Variants in SCFD2 observed in about 807,000 individuals in gnomAD.
SCFD2 encodes sec1 family domain-containing protein 2.
Under a neutral mutation model 58.9 loss-of-function variants are expected in SCFD2, and 54 were observed. That is an observed-to-expected ratio of 0.92 (90% CI 0.74 to 1.15). SCFD2 has a LOEUF of 1.15. Ranked by LOEUF, SCFD2 falls within the 50% of genes most tolerant of loss-of-function variation. The pLI, the probability that SCFD2 is intolerant of heterozygous loss-of-function variation, is 0.00. For missense variants in SCFD2, 805 were observed against 836.6 expected (o/e 0.96, Z 0.47); for synonymous variants, 321 against 335.9 (o/e 0.96, Z 0.49).
intron 4 of SCFD2, among the ~76,000 whole-genome samples, chr4:53,152,895 C>A (rs1726554161): frequency 6.6e-6 from 1 of 152,168 alleles, no homozygotes; most frequent in Admixed American, 6.5e-5. Context: ...GACATTAAAC[C>A]TTAATGCTCC....
At chr4:53,100,096 T>C (rs1724790483) in intron 5 of SCFD2, among the ~76,000 whole-genome samples, 2 of 152,124 alleles carry the variant, frequency 1.3e-5, no homozygotes, top group Non-Finnish European at 2.9e-5. Context: ...ATAATAATAA[T>C]AGCAATCTGT....
At chr4:53,155,044 A>C (rs1218313598) in intron 4 of SCFD2, among the ~76,000 whole-genome samples, 1 of 152,192 alleles carries the variant, frequency 6.6e-6, no homozygotes, top group Non-Finnish European at 1.5e-5. Flanking sequence ...ACAGTAAGAG[A>C]ACAAATCCGT....
chr4:53,143,239 T>G (rs985110026), intron 5 of SCFD2, among the ~76,000 whole-genome samples: 7 of 152,192 alleles, frequency 4.6e-5, no homozygotes, highest in African/African-American at 1.7e-4. Context: ...TATAAATGTT[T>G]AAAAAAGCTA....
intron 4 of SCFD2, among the ~76,000 whole-genome samples, chr4:53,194,514 G>A (rs1451287270): frequency 6.6e-6 from 1 of 151,884 alleles, no homozygotes; most frequent in Non-Finnish European, 1.5e-5. Flanking sequence ...TTCATATTAC[G>A]GATGAACATA....
chr4:53,031,858 A>G (rs1174892485), intron 5 of SCFD2, among the ~76,000 whole-genome samples: 1 of 152,166 alleles, frequency 6.6e-6, no homozygotes, highest in Non-Finnish European at 1.5e-5. Context: ...GGTGGAAAAC[A>G]TACTCTTCAG....
intron 5 of SCFD2, among the ~76,000 whole-genome samples, chr4:53,133,725 C>T (rs1185717384): frequency 6.6e-6 from 1 of 152,174 alleles, no homozygotes; most frequent in African/African-American, 2.4e-5. Context: ...ACATGAGCTG[C>T]CTTCCACAAC....
intron 5 of SCFD2, among the ~76,000 whole-genome samples, chr4:53,109,253 C>T (rs924267577): frequency 1.3e-5 from 2 of 152,150 alleles, no homozygotes; most frequent in Non-Finnish European, 2.9e-5. Flanking sequence ...AACCCACAGC[C>T]AATATCATAC....
intron 5 of SCFD2, among the ~76,000 whole-genome samples, chr4:53,140,565 G>A (rs1726104450): frequency 6.6e-6 from 1 of 151,802 alleles, no homozygotes; most frequent in Non-Finnish European, 1.5e-5. Context: ...AAACTAAAGA[G>A]GATGCATTCA....
At chr4:53,004,605 G>C (rs1033635101) in intron 5 of SCFD2, among the ~76,000 whole-genome samples, 16 of 152,216 alleles carry the variant, frequency 1.1e-4, no homozygotes, top group African/African-American at 3.9e-4. Context: ...TAAGTAGTAA[G>C]TGGTAGAGTT....
At chr4:53,044,405 T>C (rs1237177734) in intron 5 of SCFD2, among the ~76,000 whole-genome samples, 1 of 152,170 alleles carries the variant, frequency 6.6e-6, no homozygotes, top group Non-Finnish European at 1.5e-5. Flanking sequence ...ATAAAGCTCT[T>C]GCACTTCGAA....
intron 4 of SCFD2, among the ~76,000 whole-genome samples, chr4:53,198,950 A>G (rs1295391066): frequency 6.6e-6 from 1 of 152,128 alleles, no homozygotes; most frequent in East Asian, 1.9e-4. Context: ...CAGTTACAAC[A>G]AAGTAATTCA....
intron 2 of SCFD2, among the ~76,000 whole-genome samples, chr4:53,319,974 G>A (rs1732978534): frequency 6.6e-6 from 1 of 152,178 alleles, no homozygotes; most frequent in South Asian, 2.1e-4. Context: ...TCTGTAACTT[G>A]GTTAGTCTTT....
intron 2 of SCFD2, among the ~76,000 whole-genome samples, chr4:53,316,025 T>G (rs1484851934): frequency 6.6e-6 from 1 of 152,156 alleles, no homozygotes; most frequent in East Asian, 1.9e-4. Context: ...AGGAACACTC[T>G]TTCTACAAAT....
chr4:53,326,766 C>T (rs954554017), intron 2 of SCFD2, among the ~76,000 whole-genome samples: 8 of 152,092 alleles, frequency 5.3e-5, no homozygotes, highest in African/African-American at 1.7e-4. Flanking sequence ...ATCTAAACCA[C>T]GGTGTCCTAA....
At chr4:53,336,239 T>C (rs1187058286) in intron 2 of SCFD2, among the ~76,000 whole-genome samples, 1 of 152,120 alleles carries the variant, frequency 6.6e-6, no homozygotes, top group Non-Finnish European at 1.5e-5. Context: ...TGAGCTCTAA[T>C]ATTGGAAAAG....
intron 4 of SCFD2, among the ~76,000 whole-genome samples, chr4:53,219,365 G>A (rs1238193291): frequency 1.1e-4 from 17 of 152,152 alleles, no homozygotes; most frequent in South Asian, 2.1e-4. Flanking sequence ...CCTCGCTGCC[G>A]CCTTGCAGTT....
At chr4:53,131,923 A>C (rs1214739096) in intron 5 of SCFD2, among the ~76,000 whole-genome samples, 1 of 152,264 alleles carries the variant, frequency 6.6e-6, no homozygotes, top group Non-Finnish European at 1.5e-5. Context: ...TTCATTGAAT[A>C]ATTACAAACA....
chr4:52,972,123 A>G (rs1258324285), intron 5 of SCFD2, among the ~76,000 whole-genome samples: 1 of 152,192 alleles, frequency 6.6e-6, no homozygotes, highest in African/African-American at 2.4e-5. Flanking sequence ...AAGCAAAATA[A>G]CCAGCTAACA....
intron 3 of SCFD2, among the ~76,000 whole-genome samples, chr4:53,312,695 T>C (rs1732726581): frequency 6.6e-6 from 1 of 152,196 alleles, no homozygotes; most frequent in African/African-American, 2.4e-5. Flanking sequence ...TCAACTTAGT[T>C]TGATTTTTGC....
Sources: gnomAD v4.1 joint callset for allele counts (sites outside exome capture counted in the v4.1 genomes callset) on GRCh38, gnomAD v4.1.1 for gene constraint, MANE v1.5 for transcripts, NCBI Gene and HGNC (gene_info 2026-07-23, HGNC 2026-07-21) for gene names.